The following DNASE1L1 variants were observed in gnomAD, a reference collection of about 807,000 sequenced individuals.
DNASE1L1 encodes deoxyribonuclease 1 like 1.
A neutral mutation model predicts 18.6 loss-of-function variants in DNASE1L1; 8 were observed. The observed-to-expected ratio is 0.43, with a 90% CI of 0.25 to 0.78. The LOEUF (loss-of-function observed/expected upper bound fraction) is 0.78. Among genes scored for constraint, DNASE1L1 ranks in the 30% least tolerant of loss-of-function variants. DNASE1L1 has a pLI of 0.23. For missense variants in DNASE1L1, 214 were observed against 258.2 expected (o/e 0.83, Z 1.17); for synonymous variants, 114 against 114.2 (o/e 1.00, Z 0.01).
At chrX:154,409,318 G>A (rs1281298287), upstream of DNASE1L1, 2 of 240,461 alleles carry the variant, frequency 8.3e-6, no homozygotes, top group South Asian at 8.0e-5. Flanking sequence ...CCGCCTCGCC[G>A]CCAACAAGGA....
intron 2 of DNASE1L1, 85 bp downstream of exon 2, chrX:154,405,349 C>T (rs1295678803): frequency 8.9e-7 from 1 of 1,125,357 alleles, no homozygotes; most frequent in Non-Finnish European, 1.2e-6. Flanking sequence ...CCCCTCTTCT[C>T]TAGAACATAC....
intron 1 of DNASE1L1, among the ~76,000 whole-genome samples, chrX:154,407,895 A>C (rs1468135521): frequency 9.7e-6 from 1 of 103,486 alleles, no homozygotes; most frequent in East Asian, 3.0e-4. Flanking sequence ...CCTTCCGAGT[A>C]GATGGGACTA....
At position 154,407,767 on chromosome X, in the gene DNASE1L1, C is replaced by CTT. The variant is rs1232966344; in HGVS notation, c.-88+1343_-88+1344dup. ...TGAGCCACCGCGCCCGGCCCCCCCC[C>CTT]TTTTTTTTTTTTTTTTTTTTGATAG... On this transcript the variant is annotated intron_variant, in intron 1 of 7. Coordinates refer to ENST00000369807, the MANE Select transcript of DNASE1L1 (RefSeq NM_001303620.2). Among the ~76,000 whole-genome samples the CTT allele has an allele frequency of 2.6e-3, 183 of 71,532 alleles. 6 individuals carry two copies. The highest frequency in any genetic ancestry group is 4.9e-3 in the African/African-American group (92 of 18,917). 62.1% of individuals were successfully genotyped at this position (71,532 alleles called of 115,157 possible). A position where few individuals can be genotyped will look rare whatever the true frequency, so the allele number is the denominator to read the frequency against.
rs1000824671 is a variant in DNASE1L1 at position 154,401,348 on chromosome X, A to G, written c.*1359T>C. The G allele has an allele frequency of 1.7e-5, 3 of 178,398 alleles. No individual in the cohort carries two copies. The highest frequency in any genetic ancestry group is 2.1e-5 in the Non-Finnish European group (2 of 95,106). 14.7% of individuals were successfully genotyped at this position (178,398 alleles called of 1,213,427 possible). Reference sequence around the variant, plus strand: ...CATTCCTCCTTGGTGGGAATCATCCAGGTACTGCTGAGGTCACCTGCGATT... The same window carrying G: ...CATTCCTCCTTGGTGGGAATCATCCGGGTACTGCTGAGGTCACCTGCGATT... On this transcript the variant is annotated 3_prime_UTR_variant, in exon 8 of 8. Transcript: ENST00000369807.
At chrX:154,403,814 A>G (rs782331002) in intron 4 of DNASE1L1, 192 bp from the exon 5 acceptor site, 1 of 432,291 alleles carries the variant, frequency 2.3e-6, no homozygotes. Context: ...TCAAGTATAC[A>G]ACACGGTTCT....
chrX:154,405,097 G>C lies in DNASE1L1; in HGVS notation c.136-14C>G, dbSNP rs2068123602. 2 of 1,205,522 alleles carry C rather than the reference G, an allele frequency of 1.7e-6. No individual in the cohort carries two copies. The highest frequency in any genetic ancestry group is 2.2e-6 in the Non-Finnish European group (2 of 891,225). On this transcript the variant is annotated splice_polypyrimidine_tract_variant and intron_variant, in intron 2 of 7. Coordinates refer to ENST00000369807, the MANE Select transcript of DNASE1L1 (RefSeq NM_001303620.2). Reference sequence around the variant, plus strand: ...GCGAGCCAGTATCTGTGGGACATCAGGAAGGCCAGCCTGACTCAGTGCCAA... The same window carrying C: ...GCGAGCCAGTATCTGTGGGACATCACGAAGGCCAGCCTGACTCAGTGCCAA...
In DNASE1L1 at chrX:154,403,627, G is replaced by A. The variant is rs1481531751; in HGVS notation, c.312-5C>T. 8.3e-7 allele frequency: 1 copy of A among 1,204,169 alleles called. No homozygotes were observed. The highest frequency in any genetic ancestry group is 2.2e-5 in the Admixed American group (1 of 46,068). On this transcript the variant is annotated splice_polypyrimidine_tract_variant and splice_region_variant and intron_variant, in intron 4 of 7. Transcript: ENST00000369807. The stretch of plus-strand genomic sequence containing the variant: ...AGGACCTGTGTTTTGTGTGACCTGG[G>A]AGGACAAAGGGATGGGCAGCAGTGG...
At chrX:154,408,935 C>T (rs1557189113) in intron 1 of DNASE1L1, 177 bp downstream of exon 1, 2 of 220,055 alleles carry the variant, frequency 9.1e-6, no homozygotes, top group South Asian at 5.1e-5. Context: ...CGTCAGGGAC[C>T]CCCATGAGGG....
At chrX:154,407,216 GGA>G (rs1557188677) in intron 1 of DNASE1L1, among the ~76,000 whole-genome samples, 3 of 82,791 alleles carry the variant, frequency 3.6e-5, no homozygotes, top group Non-Finnish European at 4.7e-5. Flanking sequence ...CAAAGTGCTG[GGA>G]TTTTTTTTTT....
At chrX:154,404,101 G>A (rs933490686) in intron 4 of DNASE1L1, among the ~76,000 whole-genome samples, 3 of 108,932 alleles carry the variant, frequency 2.8e-5, no homozygotes, top group Admixed American at 9.8e-5. Flanking sequence ...AATATTCCAC[G>A]GACTGGGTAT....
upstream of DNASE1L1, chrX:154,411,742 C>T (rs1404707556): frequency 1.7e-5 from 14 of 805,830 alleles, no homozygotes; most frequent in Non-Finnish European, 2.5e-5. Flanking sequence ...CGTGCGCGGG[C>T]CAGTCAGGGG....
At chrX:154,410,586 A>C (rs1270244373), upstream of DNASE1L1, among the ~76,000 whole-genome samples, 1 of 109,507 alleles carries the variant, frequency 9.1e-6, no homozygotes, top group African/African-American at 3.3e-5. Flanking sequence ...AAAATAAAAA[A>C]CTGCCGGGTG....
intron 1 of DNASE1L1, 32 bp from the exon 2 acceptor site, chrX:154,405,687 C>T: frequency 1.3e-6 from 1 of 775,871 alleles, no homozygotes; most frequent in South Asian, 4.2e-5. Context: ...GTGGCACTAG[C>T]TGCTGCCCAG....
chrX:154,405,735 G>C (rs2068136952), intron 1 of DNASE1L1, 80 bp from the exon 2 acceptor site: 1 of 396,216 alleles, frequency 2.5e-6, no homozygotes, highest in Admixed American at 5.5e-5. Flanking sequence ...TCATACCACT[G>C]CACTCCAGCC....
At position 154,403,349 on chromosome X, in the gene DNASE1L1, T is replaced by C. The variant is rs1557187508; in HGVS notation, c.445A>G (p.Thr149Ala). Reference protein sequence around the residue: ...LPSLVLVPLHTTPKAVEKELN... With the variant: ...LPSLVLVPLHATPKAVEKELN... Reference sequence around the variant, plus strand: ...TCCTTCTCTACGGCCTTAGGAGTGGTGTGCAGCGGGACCAACACCAGGCTG... The same window carrying C: ...TCCTTCTCTACGGCCTTAGGAGTGGCGTGCAGCGGGACCAACACCAGGCTG... Residue 149 changes from threonine to alanine, a missense_variant, in exon 6 of 8, where the codon ACC (threonine) becomes GCC (alanine). By Grantham distance (58) the Thr-to-Ala change is moderately conservative. Coordinates refer to ENST00000369807, the MANE Select transcript of DNASE1L1 (RefSeq NM_001303620.2). 8.3e-7 allele frequency: 1 copy of C among 1,209,279 alleles called. No individual in the cohort carries two copies. Among genetic ancestry groups the C allele is most frequent in the East Asian group, 3.0e-5 (1 of 33,746 alleles).
chrX:154,403,482 C>T, intron 5 of DNASE1L1, 40 bp downstream of exon 5: 5 of 1,198,645 alleles, frequency 4.2e-6, no homozygotes, highest in Non-Finnish European at 5.7e-6. Flanking sequence ...CAGAACTCCC[C>T]TTCTGCTCCC....
chrX:154,402,570 C>T lies in DNASE1L1; in HGVS notation c.*137G>A. 1.5e-6 allele frequency: 1 copy of T among 659,622 alleles called. No homozygotes were observed. 54.4% of individuals were successfully genotyped at this position (659,622 alleles called of 1,213,427 possible). On this transcript the variant is annotated 3_prime_UTR_variant, in exon 8 of 8. Coordinates refer to ENST00000369807, the MANE Select transcript of DNASE1L1 (RefSeq NM_001303620.2). The stretch of plus-strand genomic sequence containing the variant: ...CCCAACCAAAGAACAAGAGCCAAAT[C>T]AAACAAGGCAGGCAGGGGTGGACTA...
intron 1 of DNASE1L1, among the ~76,000 whole-genome samples, chrX:154,407,531 G>C (rs1416300640): frequency 9.6e-6 from 1 of 104,434 alleles, no homozygotes; most frequent in Non-Finnish European, 2.0e-5. Context: ...GAGCCACTGC[G>C]CCCAGCCAGT....
At chrX:154,403,460 A>G in intron 5 of DNASE1L1, 62 bp downstream of exon 5, 1 of 1,192,575 alleles carries the variant, frequency 8.4e-7, no homozygotes, top group Non-Finnish European at 1.1e-6. Flanking sequence ...GGAAGCCCCC[A>G]GTGGAGCCAG....
Sources: gnomAD v4.1 joint callset for allele counts (sites outside exome capture counted in the v4.1 genomes callset) on GRCh38, gnomAD v4.1.1 for gene constraint, MANE v1.5 for transcripts, NCBI Gene and HGNC (gene_info 2026-07-23, HGNC 2026-07-21) for gene names.